The following EIF4G3 variants were observed in gnomAD, a reference collection of about 807,000 sequenced individuals.
The protein encoded by EIF4G3 is eIF-4-gamma 3.
Under a neutral mutation model 186.4 loss-of-function variants are expected in EIF4G3, and 34 were observed. The ratio of observed to expected loss-of-function variants is 0.18; its 90% CI spans 0.14 to 0.24. The LOEUF is 0.24. EIF4G3 is among the 10% of genes least tolerant of loss of function. The pLI is 1.00. For synonymous variants in EIF4G3, 673 were observed against 679.5 expected, an observed-to-expected ratio of 0.99 and a Z score of 0.15; for missense variants, 1,536 against 1,948.5, an observed-to-expected ratio of 0.79 and a Z score of 3.99.
intron 31 of EIF4G3, among the ~76,000 whole-genome samples, chr1:20,828,672 C>T (rs1187646454): frequency 6.6e-6 from 1 of 152,174 alleles, no homozygotes; most frequent in Non-Finnish European, 1.5e-5. Flanking sequence ...GTCTATATAA[C>T]GTAGCATCCA....
chr1:21,112,022 C>A (rs1278452614), intron 2 of EIF4G3, among the ~76,000 whole-genome samples: 3 of 152,100 alleles, frequency 2.0e-5, no homozygotes, highest in Non-Finnish European at 4.4e-5. Flanking sequence ...CTCACCATGC[C>A]AGCTATGAAG....
At chr1:20,946,757 G>A (rs1375502038) in intron 13 of EIF4G3, among the ~76,000 whole-genome samples, 1 of 152,022 alleles carries the variant, frequency 6.6e-6, no homozygotes, top group African/African-American at 2.4e-5. Context: ...CATATAAGTA[G>A]CAAGTGCTCA....
chr1:21,068,387 A>C (rs867690492), intron 3 of EIF4G3, among the ~76,000 whole-genome samples: 1,643 of 149,246 alleles, frequency 0.011, 78 homozygotes, highest in African/African-American at 0.038. Context: ...AAAAAAAAAA[A>C]AAAAAAAAAA....
At chr1:20,842,797 G>A (rs766809287) in intron 29 of EIF4G3, among the ~76,000 whole-genome samples, 2 of 150,498 alleles carry the variant, frequency 1.3e-5, no homozygotes, top group Non-Finnish European at 3.0e-5. Flanking sequence ...CTTCCAGAAC[G>A]TTGCTTCTGT....
chr1:21,170,664 C>T (rs1303318744), intron 2 of EIF4G3, among the ~76,000 whole-genome samples: 2 of 151,272 alleles, frequency 1.3e-5, no homozygotes, highest in African/African-American at 4.9e-5. Flanking sequence ...GAGACTCTGT[C>T]TCAAAAAAAA....
chr1:20,957,465 C>T (rs560948903), intron 12 of EIF4G3, among the ~76,000 whole-genome samples: 9 of 146,354 alleles, frequency 6.1e-5, no homozygotes, highest in Non-Finnish European at 1.0e-4. Flanking sequence ...AACCTAATGT[C>T]ATACCTCAAG....
At chr1:21,162,898 G>C (rs999814156) in intron 2 of EIF4G3, among the ~76,000 whole-genome samples, 5 of 152,172 alleles carry the variant, frequency 3.3e-5, no homozygotes, top group Non-Finnish European at 7.3e-5. Flanking sequence ...TGTTGTTAAA[G>C]ACCTCAAATA....
At chr1:20,919,925 T>A (rs1472899094) in intron 14 of EIF4G3, among the ~76,000 whole-genome samples, 3 of 144,534 alleles carry the variant, frequency 2.1e-5, no homozygotes, top group Non-Finnish European at 4.7e-5. Context: ...TTTTTTTTTT[T>A]AAGACGGAGT....
chr1:20,914,841 C>A (rs1374141784), intron 14 of EIF4G3, among the ~76,000 whole-genome samples: 2 of 152,166 alleles, frequency 1.3e-5, no homozygotes, highest in African/African-American at 4.8e-5. Context: ...TCTGGAACCA[C>A]AATATGGTCT....
intron 24 of EIF4G3, among the ~76,000 whole-genome samples, chr1:20,859,875 G>A (rs913550471): frequency 6.6e-6 from 1 of 152,208 alleles, no homozygotes; most frequent in Non-Finnish European, 1.5e-5. Flanking sequence ...TTACAGGCAT[G>A]AGCCACTGCG....
intron 20 of EIF4G3, among the ~76,000 whole-genome samples, chr1:20,868,274 C>T (rs959543044): frequency 9.9e-5 from 15 of 151,590 alleles, no homozygotes; most frequent in Non-Finnish European, 1.9e-4. Flanking sequence ...GACTGGGTGG[C>T]TTAAACAATG....
intron 4 of EIF4G3, among the ~76,000 whole-genome samples, chr1:21,039,085 G>T (rs2093411921): frequency 1.3e-5 from 2 of 152,154 alleles, no homozygotes; most frequent in East Asian, 3.8e-4. Flanking sequence ...GTATGGTACT[G>T]GCATACAGAC....
intron 2 of EIF4G3, 61 bp downstream of exon 2, chr1:21,176,113 CG>C: frequency 3.3e-6 from 1 of 304,242 alleles, no homozygotes; most frequent in East Asian, 5.4e-5. Flanking sequence ...CCCTGGGCTG[CG>C]GGGTCCCCCT....
At chr1:20,943,982 G>T (rs1291583589) in intron 13 of EIF4G3, among the ~76,000 whole-genome samples, 45 of 91,400 alleles carry the variant, frequency 4.9e-4, no homozygotes, top group African/African-American at 1.7e-3. Context: ...TTTTGTGTGT[G>T]TGTGTGTGTG....
At chr1:21,165,885 A>C (rs1022855708) in intron 2 of EIF4G3, among the ~76,000 whole-genome samples, 13 of 152,114 alleles carry the variant, frequency 8.5e-5, no homozygotes, top group African/African-American at 3.1e-4. Flanking sequence ...GGTTTCACAC[A>C]GCTGAAGTCT....
intron 6 of EIF4G3, chr1:20,998,952 A>G: frequency 3.7e-6 from 1 of 269,902 alleles, no homozygotes; most frequent in South Asian, 3.5e-5. Flanking sequence ...TAGATTGAAG[A>G]TTAAGAAACA....
chr1:21,155,349 TC>T (rs1388444779), intron 2 of EIF4G3, among the ~76,000 whole-genome samples: 1 of 151,910 alleles, frequency 6.6e-6, no homozygotes, highest in African/African-American at 2.4e-5. Context: ...CTGAAACAGT[TC>T]CTTTTCTTCT....
Position 20,981,246 on chromosome 1 carries a change from A to G in EIF4G3, c.199-19T>C. On this transcript the variant is annotated intron_variant, in intron 8 of 36. Transcript: ENST00000602326. ...GGAAAAACTGGGAAGGGGAGAAAAAAAAAATTTTTTTTTTTTTTTAACACA... is the reference window on the plus strand; with the variant it reads ...GGAAAAACTGGGAAGGGGAGAAAAAGAAAATTTTTTTTTTTTTTTAACACA... 1 of 1,546,700 alleles carries G rather than the reference A, an allele frequency of 6.5e-7. No individual in the cohort carries two copies. The highest frequency in any genetic ancestry group is 8.7e-7 in the Non-Finnish European group (1 of 1,147,768).
chr1:20,869,497 C>T (rs916268590), intron 20 of EIF4G3, among the ~76,000 whole-genome samples: 1 of 151,478 alleles, frequency 6.6e-6, no homozygotes, highest in Admixed American at 6.6e-5. Flanking sequence ...GTAAATAGGC[C>T]GGGTGCAGTG....
Sources: gnomAD v4.1 joint callset for allele counts (sites outside exome capture counted in the v4.1 genomes callset) on GRCh38, gnomAD v4.1.1 for gene constraint, MANE v1.5 for transcripts, NCBI Gene and HGNC (gene_info 2026-07-23, HGNC 2026-07-21) for gene names.